Variants in PDCD4 observed in about 807,000 individuals in gnomAD.
PDCD4 encodes programmed cell death protein 4.
Under a neutral mutation model 54.0 loss-of-function variants are expected in PDCD4, and 56 were observed. The observed-to-expected ratio is 1.04, with a 90% CI of 0.84 to 1.30. The LOEUF is 1.30. Ranked by LOEUF, PDCD4 falls within the 50% of genes most tolerant of loss-of-function variation. The probability of loss-of-function intolerance (pLI) is 0.00; values close to 1 mark genes in which losing one functional copy is unlikely to be tolerated. For missense variants in PDCD4, 584 were observed against 559.8 expected (o/e 1.04, Z -0.44); for synonymous variants, 186 against 194.8 (o/e 0.95, Z 0.37).
Position 110,883,064 on chromosome 10 carries a change from G to A in PDCD4, c.408G>A (p.Val136=). The A allele has an allele frequency of 1.3e-6, 2 of 1,596,082 alleles. No homozygotes were observed. The highest frequency in any genetic ancestry group is 1.7e-6 in the Non-Finnish European group (2 of 1,172,986). ...TPGQVYDVEE[V]DVKDPNYDDD... ...GACAGGTGTATGATGTGGAGGAGGT[G>A]GATGTGAAAGATCCTAACTATGATG... Residue 136 remains valine, a synonymous_variant, in exon 4 of 12, where the codon GTG becomes GTA. Coordinates refer to ENST00000280154, the MANE Select transcript of PDCD4 (RefSeq NM_014456.5).
At position 110,890,575 on chromosome 10, in the gene PDCD4, A is replaced by C. The variant is rs147480610; in HGVS notation, c.895A>C (p.Thr299Pro). The C allele has an allele frequency of 1.2e-6, 2 of 1,612,576 alleles. No homozygotes were observed. The highest frequency in any genetic ancestry group is 1.3e-5 in the African/African-American group (1 of 75,018). The change falls in exon 8 of 12, where the codon ACC becomes CCC. Residue 299 changes from threonine (T) to proline (P), a missense_variant. Physicochemically the swap from Thr to Pro is conservative, Grantham distance 38 (BLOSUM62 -1). Coordinates refer to ENST00000280154, the MANE Select transcript of PDCD4 (RefSeq NM_014456.5). ...VQARAALDKA[T>P]VLLSMSKGGK... is the part of the protein sequence containing the mutation. ...CTGTAGAGCTGCTCTGGATAAGGCT[A>C]CCGTGCTTCTGAGTATGTCTAAAGG...
At chr10:110,874,813 G>T (rs1391537490) in intron 1 of PDCD4, among the ~76,000 whole-genome samples, 1 of 152,094 alleles carries the variant, frequency 6.6e-6, no homozygotes, top group Admixed American at 6.5e-5. Flanking sequence ...TTAAAAGTCA[G>T]TTTCACCTTT....
At chr10:110,896,575 G>T (rs913933197) in intron 11 of PDCD4, among the ~76,000 whole-genome samples, 7 of 151,982 alleles carry the variant, frequency 4.6e-5, no homozygotes, top group Non-Finnish European at 1.0e-4. Flanking sequence ...TGTGTTGGGG[G>T]GTGTGTGGAG....
chr10:110,892,553 AAAGT>A (rs1411403262), intron 8 of PDCD4, among the ~76,000 whole-genome samples: 1 of 152,196 alleles, frequency 6.6e-6, no homozygotes, highest in African/African-American at 2.4e-5. Flanking sequence ...ACAAATGTTA[AAAGT>A]AAGTAATATA....
chr10:110,895,034 A>AT (rs1845810928), intron 10 of PDCD4, among the ~76,000 whole-genome samples: 1 of 151,968 alleles, frequency 6.6e-6, no homozygotes, highest in African/African-American at 2.4e-5. Context: ...TTTAAAAAAA[A>AT]TTTTTTAGCT....
chr10:110,891,199 G>C (rs1266036757), intron 8 of PDCD4, among the ~76,000 whole-genome samples: 2 of 152,018 alleles, frequency 1.3e-5, no homozygotes, highest in African/African-American at 4.8e-5. Flanking sequence ...GAGGCCAGGA[G>C]TTTGAGACCA....
At chr10:110,885,419 T>G (rs917554560) in intron 5 of PDCD4, 53 bp downstream of exon 5, 1 of 771,536 alleles carries the variant, frequency 1.3e-6, no homozygotes, top group Admixed American at 2.4e-5. Flanking sequence ...GAAGACATCT[T>G]TTATAAGCAA....
intron 6 of PDCD4, among the ~76,000 whole-genome samples, chr10:110,888,989 T>C (rs1845712554): frequency 6.6e-6 from 1 of 151,984 alleles, no homozygotes; most frequent in African/African-American, 2.4e-5. Flanking sequence ...CCCAGCACTT[T>C]GGGAGGCCGA....
chr10:110,876,788 A>T (rs1340578694), intron 2 of PDCD4: 2 of 766,012 alleles, frequency 2.6e-6, no homozygotes, highest in Non-Finnish European at 4.0e-6. Flanking sequence ...ATGTATTTAT[A>T]GTTTTAAAAA....
chr10:110,887,534 C>A, intron 5 of PDCD4, 131 bp from the exon 6 acceptor site: 1 of 612,288 alleles, frequency 1.6e-6, no homozygotes, highest in Non-Finnish European at 2.8e-6. Flanking sequence ...ATGACTGGGT[C>A]TTTTGATTAT....
At chr10:110,881,585 A>G in intron 3 of PDCD4, 50 bp downstream of exon 3, 2 of 1,502,084 alleles carry the variant, frequency 1.3e-6, no homozygotes, top group Non-Finnish European at 1.8e-6. Flanking sequence ...GTGGAAAAAA[A>G]TTGTCTGGTT....
At chr10:110,876,178 A>G (rs930667518) in intron 2 of PDCD4, 108 bp downstream of exon 2, 18 of 806,780 alleles carry the variant, frequency 2.2e-5, no homozygotes, top group Admixed American at 3.1e-5. Flanking sequence ...TGCAGTTTTG[A>G]CTTTCCTGGG....
chr10:110,889,717 A>C lies in PDCD4; in HGVS notation c.875+87A>C, dbSNP rs551805130. 13 of 757,208 alleles carry C rather than the reference A, an allele frequency of 1.7e-5. No homozygotes were observed. The East Asian group carries it at 3.2e-4, about 19-fold the overall frequency. The allele number at this position is 757,208 out of a possible 1,614,324, so 46.9% of individuals were successfully genotyped here. A position where few individuals can be genotyped will look rare whatever the true frequency, so the allele number is the denominator to read the frequency against. On this transcript the variant is annotated intron_variant, in intron 7 of 11. Coordinates refer to ENST00000280154, the MANE Select transcript of PDCD4 (RefSeq NM_014456.5). ...TTGAAATGACACTTGTGTTAATCAG[A>C]CACTCTGTACATCTGTTTGTCACTT...
At chr10:110,872,980 G>A (rs116205603) in intron 1 of PDCD4, among the ~76,000 whole-genome samples, 331 of 152,238 alleles carry the variant, frequency 2.2e-3, no homozygotes, top group African/African-American at 7.6e-3. Flanking sequence ...AATGCGATTA[G>A]GTGTCGGGGA....
rs774645872 is a variant in PDCD4 at position 110,896,016 on chromosome 10, G to C, written c.1278G>C (p.Leu426=). ...ATGTCCCACATTCATACTCTGTGCTGGAGCGGTTTGTAGAAGAATGTTTTC... is the reference window on the plus strand; with the variant it reads ...ATGTCCCACATTCATACTCTGTGCTCGAGCGGTTTGTAGAAGAATGTTTTC... ...NLDVPHSYSV[L]ERFVEECFQA... is the part of the protein sequence containing the mutation. The change falls in exon 11 of 12, where the codon CTG becomes CTC. Residue 426 remains leucine, a synonymous_variant. Coordinates refer to ENST00000280154, the MANE Select transcript of PDCD4 (RefSeq NM_014456.5). 3.5e-5 allele frequency: 57 copies of C among 1,609,074 alleles called. No homozygotes were observed. The highest frequency in any genetic ancestry group is 4.5e-5 in the Non-Finnish European group (53 of 1,176,098).
At position 110,883,006 on chromosome 10, in the gene PDCD4, G is replaced by T. The variant is rs759382340; in HGVS notation, c.350G>T (p.Gly117Val). Residue 117 changes from glycine (G) to valine (V), a missense_variant, in exon 4 of 12, where the codon GGT (glycine) becomes GTT (valine). Transcript: ENST00000280154. ...GKGRGLPKKG[G>V]AGGKGVWGTP... ...TCTCAATGCTAAACTTTTTCAGGTG[G>T]TGCAGGAGGCAAAGGTGTCTGGGGT... The T allele has an allele frequency of 3.1e-6, 5 of 1,590,146 alleles. No homozygotes were observed. In the Admixed American group the frequency reaches 8.8e-5, roughly 28 times the overall value.
In PDCD4 at chr10:110,890,682, G is replaced by A. The variant is rs1473614242; in HGVS notation, c.990+12G>A. 1 of 1,523,342 alleles carries A rather than the reference G, an allele frequency of 6.6e-7. No homozygotes were observed. The highest frequency in any genetic ancestry group is 9.1e-7 in the Non-Finnish European group (1 of 1,099,960). 94.4% of individuals were successfully genotyped at this position (1,523,342 alleles called of 1,614,324 possible). A position where few individuals can be genotyped will look rare whatever the true frequency, so the allele number is the denominator to read the frequency against. On this transcript the variant is annotated intron_variant, in intron 8 of 11. Transcript: ENST00000280154. ...ACCTTGTTAAAGAGGTAATGATTGGGTATTGTTTTTAACTTAATTTATATG... is the reference window on the plus strand; with the variant it reads ...ACCTTGTTAAAGAGGTAATGATTGGATATTGTTTTTAACTTAATTTATATG...
intron 3 of PDCD4, 83 bp downstream of exon 3, chr10:110,881,618 C>T: frequency 8.7e-7 from 1 of 1,144,926 alleles, no homozygotes; most frequent in Non-Finnish European, 1.2e-6. Flanking sequence ...TTTCCTTGTT[C>T]TAGGAATGAG....
intron 8 of PDCD4, among the ~76,000 whole-genome samples, chr10:110,891,300 G>T (rs894460263): frequency 1.3e-5 from 2 of 151,354 alleles, no homozygotes; most frequent in Non-Finnish European, 2.9e-5. Flanking sequence ...CCAGCTACTC[G>T]GGAGGCTGAG....
Sources: allele counts gnomAD v4.1 joint callset (sites outside exome capture counted in the v4.1 genomes callset), GRCh38; gene constraint gnomAD v4.1.1; transcripts MANE v1.5; gene names NCBI Gene and HGNC (gene_info 2026-07-23, HGNC 2026-07-21).